SMIM7: variants seen among roughly 807,000 people sequenced by gnomAD.
SMIM7 encodes small integral membrane protein 7.
In SMIM7, 12 loss-of-function variants were observed where a neutral mutation model predicts 13.3. The ratio of observed to expected loss-of-function variants is 0.90; its 90% CI spans 0.58 to 1.46. SMIM7 has a LOEUF of 1.46. Among genes scored for constraint, SMIM7 ranks in the 40% most tolerant of loss-of-function variants. The pLI is 0.00. For missense variants in SMIM7, 114 were observed against 94.8 expected (o/e 1.20, Z -0.84); for synonymous variants, 36 against 35.8 (o/e 1.01, Z -0.02).
chr19:16,634,234 A>G (rs2086342392), intron 4 of SMIM7: 1 of 151,964 alleles, frequency 6.6e-6, no homozygotes, highest in Non-Finnish European at 1.5e-5. Context: ...TTTGTTGAGG[A>G]CCTACGATGT....
rs750386355 is a variant in SMIM7 at position 16,660,085 on chromosome 19, C to G, written c.26G>C (p.Gly9Ala). The G allele has an allele frequency of 1.2e-6, 2 of 1,614,224 alleles. No homozygotes were observed. The highest frequency in any genetic ancestry group is 1.7e-5 in the Admixed American group (1 of 60,028). Residue 9 changes from glycine (G) to alanine (A), a missense_variant and splice_region_variant, in exon 1 of 5, where the codon GGG (glycine) becomes GCG (alanine). Gly to Ala is a moderately conservative substitution (Grantham distance 60). Coordinates refer to ENST00000487416, the MANE Select transcript of SMIM7 (RefSeq NM_024104.4). Reference sequence around the variant, plus strand: ...CCCAGCCTCTGGTCCCCCTAATTACCCGAACAGCAGGATGTCTCCGATCAT... The same window carrying G: ...CCCAGCCTCTGGTCCCCCTAATTACGCGAACAGCAGGATGTCTCCGATCAT... MIGDILLFGTLLMNAGAVL... is the reference protein window; with the variant it reads MIGDILLFATLLMNAGAVL...
At chr19:16,648,913 G>A (rs547071016) in intron 4 of SMIM7, among the ~76,000 whole-genome samples, 2 of 152,136 alleles carry the variant, frequency 1.3e-5, no homozygotes, top group Non-Finnish European at 2.9e-5. Context: ...TACTTAGGAC[G>A]CTGAGGCCAG....
intron 3 of SMIM7, among the ~76,000 whole-genome samples, chr19:16,657,301 GCCTGGCATC>G (rs2086608937): frequency 6.6e-6 from 1 of 152,210 alleles, no homozygotes; most frequent in South Asian, 2.1e-4. Context: ...CTGGTGCCCT[GCCTGGCATC>G]CCTGTCACTG....
intron 4 of SMIM7, chr19:16,636,131 A>T (rs2086359769): frequency 6.6e-6 from 1 of 151,936 alleles, no homozygotes. Context: ...GGGAAGAAAG[A>T]GGTAGAGGAG....
At chr19:16,659,305 G>GAA in intron 3 of SMIM7, 90 bp downstream of exon 3, 3 of 686,288 alleles carry the variant, frequency 4.4e-6, no homozygotes, top group Non-Finnish European at 6.8e-6. Context: ...AAAAAAAAAA[G>GAA]AGAAAGAAAG....
chr19:16,638,305 T>C (rs897659987), intron 4 of SMIM7, among the ~76,000 whole-genome samples: 19 of 133,460 alleles, frequency 1.4e-4, no homozygotes, highest in Admixed American at 2.2e-4. Context: ...TTTTTTCTTT[T>C]TTTTTTTTTT....
chr19:16,644,240 C>T (rs778120160), downstream of SMIM7, among the ~76,000 whole-genome samples: 8 of 149,982 alleles, frequency 5.3e-5, no homozygotes, highest in Non-Finnish European at 8.9e-5. Context: ...CCTGCCTCAG[C>T]CTCCTGAGTA....
exon 5 of SMIM7, chr19:16,631,520 G>A (rs1476971618): frequency 1.3e-5 from 2 of 152,218 alleles, no homozygotes; most frequent in South Asian, 2.1e-4. Context: ...CAGCCAACCT[G>A]GACAGTGAGG....
intron 4 of SMIM7, among the ~76,000 whole-genome samples, chr19:16,650,152 C>T (rs1385653769): frequency 6.6e-6 from 1 of 152,090 alleles, no homozygotes; most frequent in African/African-American, 2.4e-5. Flanking sequence ...TTCTCCCTAA[C>T]TTTTCCTCTT....
intron 3 of SMIM7, among the ~76,000 whole-genome samples, chr19:16,655,680 CAAAAAAAAAA>C (rs869256040): frequency 2.6e-5 from 1 of 38,514 alleles, no homozygotes; most frequent in Non-Finnish European, 5.1e-5. Context: ...GACTCCATCT[CAAAAAAAAAA>C]AAAAAAAAAA....
At chr19:16,652,799 G>A in intron 4 of SMIM7, 1 of 1,529,658 alleles carries the variant, frequency 6.5e-7, no homozygotes, top group Non-Finnish European at 8.8e-7. Flanking sequence ...TCTTTCTGGG[G>A]GAAGCATACA....
chr19:16,658,378 G>C (rs1306277481), intron 3 of SMIM7, among the ~76,000 whole-genome samples: 1 of 152,206 alleles, frequency 6.6e-6, no homozygotes, highest in African/African-American at 2.4e-5. Context: ...GGATACAATA[G>C]TCATGTACAG....
At chr19:16,659,573 A>C (rs1599380222) in intron 2 of SMIM7, 126 bp from the exon 3 acceptor site, 1 of 936,460 alleles carries the variant, frequency 1.1e-6, no homozygotes, top group South Asian at 1.5e-5. Context: ...TTGCTGTGTG[A>C]CCTCTGACGT....
chr19:16,647,308 T>G, intron 4 of SMIM7, 47 bp from the exon 5 acceptor site: 3 of 1,610,922 alleles, frequency 1.9e-6, no homozygotes, highest in Non-Finnish European at 2.5e-6. Context: ...AGGAGGTGAC[T>G]GTTCTAAAAA....
At chr19:16,659,016 G>A (rs1165393793) in intron 3 of SMIM7, 1 of 282,994 alleles carries the variant, frequency 3.5e-6, no homozygotes, top group Non-Finnish European at 6.9e-6. Flanking sequence ...GAAAACTTGT[G>A]GCTCACGCCT....
intron 4 of SMIM7, among the ~76,000 whole-genome samples, chr19:16,632,347 G>A (rs910191134): frequency 1.3e-5 from 2 of 151,946 alleles, no homozygotes; most frequent in African/African-American, 4.8e-5. Flanking sequence ...TCAAAGATAG[G>A]TAGAAGACCT....
At chr19:16,653,152 C>T (rs537430967) in intron 4 of SMIM7, among the ~76,000 whole-genome samples, 2 of 152,286 alleles carry the variant, frequency 1.3e-5, no homozygotes, top group African/African-American at 4.8e-5. Flanking sequence ...CTCCTGGCAG[C>T]CCCTGCAGAG....
At chr19:16,650,074 T>C (rs980382809) in intron 4 of SMIM7, among the ~76,000 whole-genome samples, 1 of 152,176 alleles carries the variant, frequency 6.6e-6, no homozygotes, top group Admixed American at 6.5e-5. Context: ...CTGTGAATAT[T>C]CTATAAAATA....
chr19:16,655,573 C>G (rs1210566884), intron 3 of SMIM7, among the ~76,000 whole-genome samples: 1 of 148,908 alleles, frequency 6.7e-6, no homozygotes, highest in Admixed American at 6.8e-5. Flanking sequence ...CCCAGCTACT[C>G]AGGAGGCTGA....
Sources: allele counts gnomAD v4.1 joint callset (sites outside exome capture counted in the v4.1 genomes callset), GRCh38; gene constraint gnomAD v4.1.1; transcripts MANE v1.5; gene names NCBI Gene and HGNC (gene_info 2026-07-23, HGNC 2026-07-21).